The following MB21D2 variants were observed in gnomAD, a reference collection of about 807,000 sequenced individuals.
MB21D2 encodes nucleotidyltransferase MB21D2.
In MB21D2, 9 loss-of-function variants were observed where a neutral mutation model predicts 33.3. The ratio of observed to expected loss-of-function variants is 0.27; its 90% confidence interval spans 0.16 to 0.47. The LOEUF is 0.47. Ranked by LOEUF, MB21D2 falls within the 20% of genes least tolerant of loss-of-function variation. MB21D2 has a pLI of 0.99. For missense variants in MB21D2, 540 were observed against 624.6 expected (o/e 0.86, Z 1.44); for synonymous variants, 241 against 236.3 (o/e 1.02, Z -0.18).
intron 1 of MB21D2, among the ~76,000 whole-genome samples, chr3:192,898,662 A>C (rs1449050238): frequency 6.6e-6 from 1 of 152,266 alleles, no homozygotes; most frequent in Non-Finnish European, 1.5e-5. Context: ...AATTAAAAAA[A>C]AGACAGAAAC....
At chr3:192,909,828 A>G (rs1208427808) in intron 1 of MB21D2, among the ~76,000 whole-genome samples, 1 of 150,268 alleles carries the variant, frequency 6.7e-6, no homozygotes, top group African/African-American at 2.5e-5. Context: ...GCTACTCCAG[A>G]GGCTGAGGCA....
chr3:192,870,770 T>G (rs1713277536), intron 1 of MB21D2, among the ~76,000 whole-genome samples: 1 of 95,042 alleles, frequency 1.1e-5, no homozygotes, highest in South Asian at 3.5e-4. Flanking sequence ...GGCTAACAAG[T>G]TCGAGGAGTT....
At chr3:192,820,160 C>T (rs1282423314) in intron 1 of MB21D2, among the ~76,000 whole-genome samples, 1 of 152,030 alleles carries the variant, frequency 6.6e-6, no homozygotes, top group African/African-American at 2.4e-5. Context: ...GTTTGTATAA[C>T]AGCAAGTCAG....
rs150126951 is a variant in MB21D2, at chr3:192,861,101, A to T, written c.211+56529T>A. Among the ~76,000 whole-genome samples the T allele has an allele frequency of 3.0e-3, 452 of 152,312 alleles. 3 individuals carry two copies. Among genetic ancestry groups the T allele is most frequent in the African/African-American group, 0.01 (420 of 41,580 alleles). On this transcript the variant is annotated intron_variant, in intron 1 of 1. Coordinates refer to ENST00000392452, the MANE Select transcript of MB21D2 (RefSeq NM_178496.4). ...GCATCTTGGCTAAAACTAAATGGGA[A>T]TTATTCTAACAACCCTTCAAGTTGA...
At chr3:192,876,889 G>A (rs1322068956) in intron 1 of MB21D2, among the ~76,000 whole-genome samples, 1 of 152,144 alleles carries the variant, frequency 6.6e-6, no homozygotes, top group Non-Finnish European at 1.5e-5. Context: ...CTCTTCCTAT[G>A]TGCTCCTGTG....
chr3:192,842,852 C>T (rs1490839532), intron 1 of MB21D2, among the ~76,000 whole-genome samples: 1 of 152,174 alleles, frequency 6.6e-6, no homozygotes, highest in African/African-American at 2.4e-5. Flanking sequence ...ATGTTAAGTG[C>T]AGTTAGGGCC....
intron 1 of MB21D2, among the ~76,000 whole-genome samples, chr3:192,885,009 GT>G (rs995718645): frequency 5.3e-5 from 8 of 152,062 alleles, no homozygotes; most frequent in African/African-American, 1.9e-4. Context: ...AATTATATAT[GT>G]TTCTGGAAGA....
intron 1 of MB21D2, among the ~76,000 whole-genome samples, chr3:192,891,475 A>T (rs904485943): frequency 3.9e-5 from 6 of 152,160 alleles, no homozygotes; most frequent in Non-Finnish European, 7.3e-5. Context: ...GGTAAAAGAA[A>T]GGCAAAAGAA....
chr3:192,863,570 A>G (rs183526489), intron 1 of MB21D2, among the ~76,000 whole-genome samples: 140 of 152,352 alleles, frequency 9.2e-4, no homozygotes, highest in African/African-American at 3.2e-3. Flanking sequence ...AAACTTCTGC[A>G]GTGCCCTATG....
At chr3:192,808,677 T>A (rs1164171019) in intron 1 of MB21D2, among the ~76,000 whole-genome samples, 1 of 152,160 alleles carries the variant, frequency 6.6e-6, no homozygotes, top group Non-Finnish European at 1.5e-5. Flanking sequence ...ACCTACTACT[T>A]AAGACAGACA....
chr3:192,873,967 T>C (rs1449629849), intron 1 of MB21D2, among the ~76,000 whole-genome samples: 1 of 152,210 alleles, frequency 6.6e-6, no homozygotes, highest in Non-Finnish European at 1.5e-5. Flanking sequence ...ACCAAAGTGC[T>C]GGGCCTTAGT....
intron 1 of MB21D2, among the ~76,000 whole-genome samples, chr3:192,849,410 C>T (rs543404234): frequency 1.8e-4 from 28 of 152,122 alleles, no homozygotes; most frequent in Admixed American, 3.3e-4. Flanking sequence ...CTCCGCCTCC[C>T]GGGTTCAAGC....
At chr3:192,872,180 G>A (rs897853637) in intron 1 of MB21D2, among the ~76,000 whole-genome samples, 9 of 152,220 alleles carry the variant, frequency 5.9e-5, no homozygotes, top group African/African-American at 1.2e-4. Flanking sequence ...ATTTGAGGTC[G>A]TTTACAATAA....
At chr3:192,827,820 C>G (rs547232955) in intron 1 of MB21D2, among the ~76,000 whole-genome samples, 1 of 152,252 alleles carries the variant, frequency 6.6e-6, no homozygotes, top group Non-Finnish European at 1.5e-5. Flanking sequence ...TAGAAGTTCA[C>G]TGGTAGCTTT....
intron 1 of MB21D2, among the ~76,000 whole-genome samples, chr3:192,836,715 T>C (rs1485191082): frequency 6.6e-6 from 1 of 152,202 alleles, no homozygotes; most frequent in South Asian, 2.1e-4. Context: ...AGCTACCCTG[T>C]CTGTGGTATT....
At chr3:192,843,343 G>A (rs1342123706) in intron 1 of MB21D2, among the ~76,000 whole-genome samples, 1 of 152,118 alleles carries the variant, frequency 6.6e-6, no homozygotes, top group Non-Finnish European at 1.5e-5. Flanking sequence ...ATGCTCATCA[G>A]CTTTCTTATG....
chr3:192,813,091 T>C (rs577917047), intron 1 of MB21D2, among the ~76,000 whole-genome samples: 2 of 152,276 alleles, frequency 1.3e-5, no homozygotes, highest in East Asian at 3.9e-4. Context: ...CTATTTACTT[T>C]GAGGTTCCAC....
At position 192,798,771 on chromosome 3, in the gene MB21D2, T is replaced by A; in HGVS notation, c.1091A>T (p.Asp364Val). 6.2e-7 allele frequency: 1 copy of A among 1,613,078 alleles called. No homozygotes were observed. The highest frequency in any genetic ancestry group is 8.5e-7 in the Non-Finnish European group (1 of 1,179,878). The change falls in exon 2 of 2, where the codon GAC becomes GTC. Residue 364 changes from aspartate (D) to valine (V), a missense_variant. Asp to Val is a radical substitution (Grantham distance 152). Transcript: ENST00000392452. The surrounding 1 kb of genome is among the most constrained non-coding windows in gnomAD (Gnocchi z 4.8). ...CTTGTTGACCAGACAGTGTTGCAGG[T>A]CATCGATGAGGCCCAGCAAAAAGTG... ...AAHFLLGLID[D>V]LQHCLVNKMC...
chr3:192,914,408 AC>A (rs1714418366), intron 1 of MB21D2, among the ~76,000 whole-genome samples: 1 of 152,046 alleles, frequency 6.6e-6, no homozygotes, highest in African/African-American at 2.4e-5. Context: ...GCATCTGCAT[AC>A]CCCCTTTTCT....
Sources: gnomAD v4.1 joint callset for allele counts (sites outside exome capture counted in the v4.1 genomes callset) on GRCh38, gnomAD v4.1.1 for gene constraint, Gnocchi (gnomAD v3.1) non-coding constraint, MANE v1.5 for transcripts, NCBI Gene and HGNC (gene_info 2026-07-23, HGNC 2026-07-21) for gene names.